RTTN: variants seen among roughly 807,000 people sequenced by gnomAD.
The protein encoded by RTTN is rotatin.
Under a neutral mutation model 269.2 loss-of-function variants are expected in RTTN, and 182 were observed. The ratio of observed to expected loss-of-function variants is 0.68; its 90% CI spans 0.60 to 0.76. The LOEUF (loss-of-function observed/expected upper bound fraction) is 0.76. Ranked by LOEUF, RTTN falls within the 30% of genes least tolerant of loss-of-function variation. The pLI is 0.00. For synonymous variants in RTTN, 1,006 were observed against 963.5 expected, an observed-to-expected ratio of 1.04 and a Z score of -0.82; for missense variants, 2,545 against 2,608.6, an observed-to-expected ratio of 0.98 and a Z score of 0.53.
chr18:70,144,897 G>A (rs1288049501), intron 18 of RTTN, among the ~76,000 whole-genome samples: 1 of 152,334 alleles, frequency 6.6e-6, no homozygotes. Context: ...AAATGAGAAA[G>A]TACAAAACAC....
chr18:70,139,976 GAGAT>G, intron 20 of RTTN, 120 bp downstream of exon 20: 1 of 694,000 alleles, frequency 1.4e-6, no homozygotes, highest in Non-Finnish European at 2.5e-6. Context: ...AAAAATGAAT[GAGAT>G]AGGAGGTGTT....
intron 11 of RTTN, among the ~76,000 whole-genome samples, chr18:70,172,769 C>T (rs191220257): frequency 2.0e-3 from 306 of 151,810 alleles, no homozygotes; most frequent in Non-Finnish European, 3.7e-3. Context: ...CTTTTTGGTT[C>T]CTGTCCAAAT....
intron 28 of RTTN, among the ~76,000 whole-genome samples, chr18:70,099,417 T>C (rs2059095955): frequency 6.6e-6 from 1 of 152,182 alleles, no homozygotes; most frequent in Admixed American, 6.5e-5. Flanking sequence ...TTCGCCCACT[T>C]TTTGATGGAG....
chr18:70,109,408 T>C (rs772851387), intron 28 of RTTN, 90 bp downstream of exon 28: 15 of 879,248 alleles, frequency 1.7e-5, no homozygotes, highest in Non-Finnish European at 2.6e-5. Flanking sequence ...ATATTCTACA[T>C]TGAATAGAGT....
intron 3 of RTTN, among the ~76,000 whole-genome samples, chr18:70,202,276 C>T (rs2061973670): frequency 6.6e-6 from 1 of 152,182 alleles, no homozygotes; most frequent in Non-Finnish European, 1.5e-5. Context: ...GACTATCCCT[C>T]TCTACTTCCT....
chr18:70,176,529 A>AT (rs2061305673), intron 11 of RTTN, 146 bp downstream of exon 11: 1 of 554,148 alleles, frequency 1.8e-6, no homozygotes, highest in Non-Finnish European at 2.8e-6. Flanking sequence ...CAATTTCTAC[A>AT]TTTCCCATAT....
At chr18:70,147,707 G>C (rs2060430945) in intron 17 of RTTN, among the ~76,000 whole-genome samples, 1 of 152,024 alleles carries the variant, frequency 6.6e-6, no homozygotes, top group South Asian at 2.1e-4. Flanking sequence ...CTATATAATA[G>C]AGACTTATCT....
intron 26 of RTTN, among the ~76,000 whole-genome samples, chr18:70,116,054 G>A (rs185015206): frequency 4.6e-5 from 7 of 151,900 alleles, no homozygotes; most frequent in Admixed American, 1.3e-4. Context: ...AGACATAACT[G>A]CAACTTTTAT....
intron 12 of RTTN, among the ~76,000 whole-genome samples, 186 bp from the exon 13 acceptor site, chr18:70,167,217 T>G (rs999362164): frequency 1.3e-5 from 2 of 152,180 alleles, no homozygotes; most frequent in Non-Finnish European, 2.9e-5. Context: ...TGTAGGAAAA[T>G]TCCCTAGCTA....
At chr18:70,087,052 T>TAC (rs147330537) in intron 31 of RTTN, among the ~76,000 whole-genome samples, 5,627 of 150,270 alleles carry the variant, frequency 0.037, 137 homozygotes, top group South Asian at 0.076. Flanking sequence ...CCTTTCAGAT[T>TAC]ACACACACAC....
intron 40 of RTTN, among the ~76,000 whole-genome samples, chr18:70,036,689 C>T (rs2057182639): frequency 1.3e-5 from 2 of 152,252 alleles, no homozygotes; most frequent in South Asian, 4.1e-4. Context: ...TACCCCGAAC[C>T]TAACAGTTAA....
chr18:70,200,113 C>T (rs1467275941), intron 4 of RTTN, among the ~76,000 whole-genome samples: 1 of 152,242 alleles, frequency 6.6e-6, no homozygotes, highest in East Asian at 1.9e-4. Context: ...AAGGTGGCAA[C>T]ACTGAGAAAT....
intron 7 of RTTN, among the ~76,000 whole-genome samples, chr18:70,196,223 CCAA>C (rs923524415): frequency 2.0e-5 from 3 of 151,928 alleles, no homozygotes; most frequent in Non-Finnish European, 4.4e-5. Context: ...TCACTACATC[CCAA>C]CAACACTATA....
chr18:70,163,149 C>T (rs1435930876), intron 14 of RTTN, among the ~76,000 whole-genome samples: 1 of 144,586 alleles, frequency 6.9e-6, no homozygotes. Context: ...TTTGGGAGGC[C>T]GAGGTGGGTG....
chr18:70,043,704 G>A (rs1341419116), intron 40 of RTTN, among the ~76,000 whole-genome samples: 2 of 152,094 alleles, frequency 1.3e-5, no homozygotes, highest in African/African-American at 2.4e-5. Context: ...TGAAATCAAA[G>A]CCCCAAACCA....
At chr18:70,120,117 A>G (rs4891810) in intron 26 of RTTN, among the ~76,000 whole-genome samples, 5,795 of 152,190 alleles carry the variant, frequency 0.038, 143 homozygotes, top group African/African-American at 0.062. Context: ...TTAATGGGTT[A>G]TCATGGAAGG....
In RTTN at chr18:70,092,784, C is replaced by T. The variant is rs766163854; in HGVS notation, c.3924G>A (p.Val1308=). 6.2e-7 allele frequency: 1 copy of T among 1,609,024 alleles called. No homozygotes were observed. The highest frequency in any genetic ancestry group is 1.1e-5 in the South Asian group (1 of 90,258). ...GLLEVITSFY[V]ERGGNAMSFM... ...AGGACATAGCATTTCCTCCACGCTC[C>T]ACATAAAAAGAAGTAATGACCTGAA... Residue 1308 remains valine, a synonymous_variant, in exon 29 of 49, where the codon GTG becomes GTA. Coordinates refer to ENST00000640769, the MANE Select transcript of RTTN (RefSeq NM_173630.4).
At chr18:70,108,452 A>G (rs12386114) in intron 28 of RTTN, among the ~76,000 whole-genome samples, 129,444 of 152,050 alleles carry the variant, frequency 0.85, 57,312 homozygotes, top group East Asian at 1. Flanking sequence ...AAAATGGTTG[A>G]AAAAGTCACG....
chr18:70,153,236 C>CTA (rs61001454), intron 14 of RTTN, among the ~76,000 whole-genome samples: 10,769 of 150,486 alleles, frequency 0.072, 767 homozygotes, highest in African/African-American at 0.18. Context: ...GTGTTGTAAA[C>CTA]TATATATATA....
Sources: gnomAD v4.1 joint callset for allele counts (sites outside exome capture counted in the v4.1 genomes callset) on GRCh38, gnomAD v4.1.1 for gene constraint, MANE v1.5 for transcripts, NCBI Gene and HGNC (gene_info 2026-07-23, HGNC 2026-07-21) for gene names.